TYW5: variants seen among roughly 807,000 people sequenced by gnomAD.
The protein encoded by TYW5 is tRNA-yW synthesizing protein 5.
In TYW5, 36 loss-of-function variants were observed where a neutral mutation model predicts 44.4. That is an observed-to-expected ratio of 0.81 (90% CI 0.62 to 1.07). The LOEUF is 1.07. Among genes scored for constraint, TYW5 ranks in the 50% least tolerant of loss-of-function variants. The pLI is 0.00. For synonymous variants in TYW5, 121 were observed against 128.1 expected (o/e 0.94, Z 0.37); for missense variants, 354 against 365.7 (o/e 0.97, Z 0.26).
chr2:199,943,555 G>A (rs2105702905), intron 3 of TYW5: 1 of 470,324 alleles, frequency 2.1e-6, no homozygotes, highest in East Asian at 3.7e-5. Flanking sequence ...CCATTTCACA[G>A]ATGAGTATAC....
In TYW5 at chr2:199,939,031, C is replaced by G; in HGVS notation, c.388G>C (p.Gly130Arg). 6 of 1,611,846 alleles carry G rather than the reference C, an allele frequency of 3.7e-6. No homozygotes were observed. The highest frequency in any genetic ancestry group is 5.1e-6 in the Non-Finnish European group (6 of 1,179,352). The change falls in exon 5 of 8, where the codon GGA becomes CGA. Residue 130 changes from glycine to arginine, a missense_variant. Gly to Arg is a moderately radical substitution (Grantham distance 125, BLOSUM62 -2). Transcript: ENST00000354611. ...DIRKQFPLLKGDIKFPEFFKE... is the reference protein window; with the variant it reads ...DIRKQFPLLKRDIKFPEFFKE... ...AAGAATTCTGGAAACTTAATATCTC[C>G]TTTCAACAAAGGAAACTGCTTTCTG...
At chr2:199,949,040 A>C (rs1055321698) in intron 1 of TYW5, among the ~76,000 whole-genome samples, 1 of 152,158 alleles carries the variant, frequency 6.6e-6, no homozygotes, top group African/African-American at 2.4e-5. Context: ...ATATAACCAC[A>C]GAATAATTAC....
chr2:199,945,899 C>G (rs2077500502), intron 2 of TYW5: 1 of 152,152 alleles, frequency 6.6e-6, no homozygotes, highest in Non-Finnish European at 1.5e-5. Context: ...TTGGGAAGTT[C>G]TTTGGCTTTT....
At chr2:199,934,098 T>C (rs2105689034) in intron 7 of TYW5, among the ~76,000 whole-genome samples, 1 of 152,240 alleles carries the variant, frequency 6.6e-6, no homozygotes, top group Middle Eastern at 3.4e-3. Flanking sequence ...AAAACCCTTT[T>C]AATCCTGTGA....
At chr2:199,941,383 T>C (rs967375138) in intron 3 of TYW5, among the ~76,000 whole-genome samples, 8 of 152,210 alleles carry the variant, frequency 5.3e-5, no homozygotes, top group African/African-American at 1.9e-4. Flanking sequence ...AGAGAACTGT[T>C]TGAATTATAA....
chr2:199,937,348 G>T (rs754547016), intron 5 of TYW5, among the ~76,000 whole-genome samples: 1 of 151,694 alleles, frequency 6.6e-6, no homozygotes, highest in African/African-American at 2.4e-5. Flanking sequence ...AGGTAAAGGG[G>T]ATACTACTCA....
intron 1 of TYW5, among the ~76,000 whole-genome samples, chr2:199,952,150 A>C (rs1212355492): frequency 6.6e-6 from 1 of 152,204 alleles, no homozygotes; most frequent in Non-Finnish European, 1.5e-5. Flanking sequence ...TCTCGCCTGC[A>C]TAAGCATTTA....
At chr2:199,940,313 T>C (rs2077453699) in intron 3 of TYW5, among the ~76,000 whole-genome samples, 180 bp from the exon 4 acceptor site, 2 of 152,180 alleles carry the variant, frequency 1.3e-5, no homozygotes, top group Non-Finnish European at 1.5e-5. Flanking sequence ...GAAGTAAAGT[T>C]AGGAAACAAG....
rs1338823409 is a variant in TYW5 at position 199,929,595 on chromosome 2, T to C, written c.*3472A>G. ...TTTTGTCAACTCCTTTGATGTCTGT[T>C]GGCAACTTTTTATAGGTGATAGAAA... On this transcript the variant is annotated 3_prime_UTR_variant, in exon 8 of 8. Transcript: ENST00000354611. Among the ~76,000 whole-genome samples, 1 of 150,498 alleles carries C rather than the reference T, an allele frequency of 6.6e-6. No homozygotes were observed. Among genetic ancestry groups the C allele is most frequent in the Non-Finnish European group, 1.5e-5 (1 of 67,764 alleles).
At chr2:199,944,325 C>T (rs1251274517) in intron 2 of TYW5, 3 of 153,374 alleles carry the variant, frequency 2.0e-5, no homozygotes, top group African/African-American at 7.2e-5. Flanking sequence ...TCACAGAACA[C>T]AGAAGCCAGT....
rs551341806 is a variant in TYW5, at chr2:199,936,238, T to C, written c.574+167A>G. Among the ~76,000 whole-genome samples the C allele has an allele frequency of 1.1e-4, 17 of 152,332 alleles. No individual in the cohort carries two copies. In the South Asian group the frequency reaches 3.3e-3, roughly 30 times the overall value. On this transcript the variant is annotated intron_variant, in intron 6 of 7. Transcript: ENST00000354611. ...CTCACTCTTTAATTCTGATGACTGA[T>C]ACCCATGTAATAAGATAATTTCAAA...
rs181554958 is a variant in TYW5, at chr2:199,950,119, G to A, written c.79-1647C>T. On this transcript the variant is annotated intron_variant, in intron 1 of 7. Coordinates refer to ENST00000354611, the MANE Select transcript of TYW5 (RefSeq NM_001039693.3). ...ATATATGTGAGGGTCTATGTATATC[G>A]CACAAATATATATACACGTACACCC... is the stretch of plus-strand genomic sequence containing the variant. 2.5e-4 allele frequency among the ~76,000 whole-genome samples: 38 copies of A among 151,990 alleles called. 1 individual carries two copies. Among genetic ancestry groups the A allele is most frequent in the East Asian group, 1.9e-4 (1 of 5,158 alleles).
chr2:199,935,769 C>T (rs1197145979), intron 7 of TYW5, among the ~76,000 whole-genome samples, 162 bp downstream of exon 7: 8 of 145,438 alleles, frequency 5.5e-5, no homozygotes, highest in Non-Finnish European at 1.1e-4. Flanking sequence ...CACACACATA[C>T]ACACACACGC....
chr2:199,955,450 C>G lies in TYW5; in HGVS notation c.21G>C (p.Pro7=). 1.9e-6 allele frequency: 3 copies of G among 1,613,842 alleles called. No homozygotes were observed. Among genetic ancestry groups the G allele is most frequent in the African/African-American group, 1.3e-5 (1 of 75,064 alleles). Residue 7 remains proline, a synonymous_variant, in exon 1 of 8, where the codon CCG becomes CCC. Transcript: ENST00000354611. The part of the protein sequence containing the change: MAGQHL[P]VPRLEGVSRE... ...GAGAAACGCCCTCCAGCCGGGGTACCGGGAGGTGCTGCCCGGCCATGGTTG... is the reference window on the plus strand; with the variant it reads ...GAGAAACGCCCTCCAGCCGGGGTACGGGGAGGTGCTGCCCGGCCATGGTTG...
intron 1 of TYW5, among the ~76,000 whole-genome samples, chr2:199,949,347 G>A (rs1040653014): frequency 5.3e-5 from 8 of 152,070 alleles, no homozygotes; most frequent in African/African-American, 1.9e-4. Flanking sequence ...CAGCCTGGGC[G>A]ACAGAGTGAA....
Position 199,932,338 on chromosome 2 carries a change from CAT to C in TYW5, c.*727_*728del, listed in dbSNP as rs2077385193. On this transcript the variant is annotated 3_prime_UTR_variant, in exon 8 of 8. Transcript: ENST00000354611. ...AATGTAATAGATATTGTGCGTTGCT[CAT>C]GTTTTTCCTATCAGAACCATGATTT... The C allele has an allele frequency of 6.6e-6, 1 of 152,104 alleles. No homozygotes were observed. Among genetic ancestry groups the C allele is most frequent in the South Asian group, 2.1e-4 (1 of 4,830 alleles). The allele number at this position is 152,104 out of a possible 1,614,324, so 9.4% of individuals were successfully genotyped here.
intron 6 of TYW5, 33 bp downstream of exon 6, chr2:199,936,372 T>C: frequency 6.4e-7 from 1 of 1,564,486 alleles, no homozygotes; most frequent in South Asian, 1.1e-5. Flanking sequence ...CTGAATAGAC[T>C]TTTGAAATAT....
Position 199,932,374 on chromosome 2 carries a change from C to A in TYW5, c.*693G>T, listed in dbSNP as rs1163559651. The A allele has an allele frequency of 6.6e-6, 1 of 152,186 alleles. No homozygotes were observed. Among genetic ancestry groups the A allele is most frequent in the Non-Finnish European group, 1.5e-5 (1 of 68,030 alleles). The allele number at this position is 152,186 out of a possible 1,614,324, so 9.4% of individuals were successfully genotyped here. On this transcript the variant is annotated 3_prime_UTR_variant, in exon 8 of 8. Coordinates refer to ENST00000354611, the MANE Select transcript of TYW5 (RefSeq NM_001039693.3). The stretch of plus-strand genomic sequence containing the variant: ...TATCAGAACCATGATTTTAAAAAAA[C>A]TATCCTTTCTGTCCCCATATATCCC...
chr2:199,950,451 G>T (rs1289963547), intron 1 of TYW5, among the ~76,000 whole-genome samples: 2 of 152,030 alleles, frequency 1.3e-5, no homozygotes, highest in African/African-American at 4.8e-5. Flanking sequence ...CTCAAATAAA[G>T]TTATAACACA....
Sources: gnomAD v4.1 joint callset for allele counts (sites outside exome capture counted in the v4.1 genomes callset) on GRCh38, gnomAD v4.1.1 for gene constraint, MANE v1.5 for transcripts, NCBI Gene and HGNC (gene_info 2026-07-23, HGNC 2026-07-21) for gene names.